MRPL33: variants seen among roughly 807,000 people sequenced by gnomAD.
MRPL33 encodes the protein mitochondrial ribosomal protein L33.
Under a neutral mutation model 10.1 loss-of-function variants are expected in MRPL33, and 5 were observed. The ratio of observed to expected loss-of-function variants is 0.49; its 90% confidence interval spans 0.26 to 1.04. The LOEUF is 1.04. Ranked by LOEUF, MRPL33 falls within the 50% of genes least tolerant of loss-of-function variation. The pLI, the probability that MRPL33 is intolerant of heterozygous loss-of-function variation, is 0.14. For missense variants in MRPL33, 79 were observed against 78.1 expected, an observed-to-expected ratio of 1.01 and a Z score of -0.04; for synonymous variants, 24 against 27.7, an observed-to-expected ratio of 0.87 and a Z score of 0.42.
At position 27,779,598 on chromosome 2, in the gene MRPL33, C is replaced by T; in HGVS notation, c.*116C>T. The T allele has an allele frequency of 1.3e-6, 2 of 1,570,788 alleles. No homozygotes were observed. Among genetic ancestry groups the T allele is most frequent in the African/African-American group, 1.4e-5 (1 of 72,934 alleles). On this transcript the variant is annotated 3_prime_UTR_variant, in exon 4 of 4. Coordinates refer to ENST00000296102, the MANE Select transcript of MRPL33 (RefSeq NM_004891.4). ...AGGAAATGGCATGGAATCACTGCCT[C>T]CTGTGATTTGAAGGCCATTGTGAAG...
intron 2 of MRPL33, among the ~76,000 whole-genome samples, chr2:27,773,897 C>T (rs944377855): frequency 3.3e-5 from 5 of 152,150 alleles, no homozygotes; most frequent in African/African-American, 9.7e-5. Flanking sequence ...TCTGGTGAGG[C>T]AAACATGGAC....
At position 27,779,429 on chromosome 2, in the gene MRPL33, A is replaced by T; in HGVS notation, c.149-4A>T. On this transcript the variant is annotated splice_polypyrimidine_tract_variant and splice_region_variant and intron_variant, in intron 3 of 3. Transcript: ENST00000296102. ...TGCCACAATTTTTTTTTCTCCCTCC[A>T]TAGTGAAACAAAGAGTCCTCTTCGT... The T allele has an allele frequency of 6.3e-7, 1 of 1,594,688 alleles. No individual in the cohort carries two copies. Among genetic ancestry groups the T allele is most frequent in the East Asian group, 2.2e-5 (1 of 44,748 alleles).
intron 3 of MRPL33, among the ~76,000 whole-genome samples, chr2:27,777,857 C>G (rs35463245): frequency 0.24 from 36,188 of 151,958 alleles, 5,053 homozygotes; most frequent in East Asian, 0.58. Context: ...CCCCTACCCC[C>G]CGCCTTTTTT....
chr2:27,772,738 G>C (rs754343358), intron 2 of MRPL33, 46 bp downstream of exon 2: 3 of 1,503,078 alleles, frequency 2.0e-6, no homozygotes, highest in Non-Finnish European at 2.7e-6. Context: ...GTTTATGTTG[G>C]ATTTGTTAGT....
intron 2 of MRPL33, chr2:27,772,899 G>A (rs1038576239): frequency 3.8e-6 from 2 of 526,670 alleles, no homozygotes; most frequent in East Asian, 3.3e-5. Flanking sequence ...ACTTCTGTGA[G>A]CATTGAAATA....
chr2:27,775,764 T>C (rs1677138957), intron 3 of MRPL33, among the ~76,000 whole-genome samples: 1 of 152,214 alleles, frequency 6.6e-6, no homozygotes, highest in South Asian at 2.1e-4. Flanking sequence ...TTAACAGAAA[T>C]AAAATTCCTT....
chr2:27,779,643 A>T lies in MRPL33; in HGVS notation c.*161A>T, dbSNP rs1467238219. 6 of 1,418,140 alleles carry T rather than the reference A, an allele frequency of 4.2e-6. No individual in the cohort carries two copies. The highest frequency in any genetic ancestry group is 2.3e-5 in the East Asian group (1 of 42,692). The allele number at this position is 1,418,140 out of a possible 1,614,324, so 87.8% of individuals were successfully genotyped here. A position where few individuals can be genotyped will look rare whatever the true frequency, so the allele number is the denominator to read the frequency against. On this transcript the variant is annotated 3_prime_UTR_variant, in exon 4 of 4. Transcript: ENST00000296102. The stretch of plus-strand genomic sequence containing the variant: ...GTGAAGGAAAACAATGCAGTGAAAG[A>T]AAGTTCTTCATATTAGGACAGATAT...
rs72853228 is a variant in MRPL33 at position 27,774,976 on chromosome 2, G to A, written c.148+446G>A. 5.6e-3 allele frequency among the ~76,000 whole-genome samples: 849 copies of A among 152,234 alleles called. 9 individuals carry two copies. The highest frequency in any genetic ancestry group is 0.019 in the African/African-American group (802 of 41,538). On this transcript the variant is annotated intron_variant, in intron 3 of 3. Coordinates refer to ENST00000296102, the MANE Select transcript of MRPL33 (RefSeq NM_004891.4). ...CAGACAAGTGTCTTAAGAAGGGGAC[G>A]GTATGGTGTCCTGGCATCATCTGTT...
At chr2:27,772,931 T>C in intron 2 of MRPL33, 1 of 481,536 alleles carries the variant, frequency 2.1e-6, no homozygotes. Flanking sequence ...CTTTGCTGCT[T>C]TTCTAGTCCC....
chr2:27,771,770 T>C lies in MRPL33; in HGVS notation c.-8T>C, dbSNP rs1461577798. 2 of 1,614,024 alleles carry C rather than the reference T, an allele frequency of 1.2e-6. No homozygotes were observed. Among genetic ancestry groups the C allele is most frequent in the Non-Finnish European group, 1.7e-6 (2 of 1,179,940 alleles). On this transcript the variant is annotated 5_prime_UTR_variant, in exon 1 of 4. Coordinates refer to ENST00000296102, the MANE Select transcript of MRPL33 (RefSeq NM_004891.4). ...GCCGGTGACGGAGACTGCCCAGGTG[T>C]GGTCACCATGTTCCTCTCCGCGGTC... is the stretch of plus-strand genomic sequence containing the variant.
At chr2:27,777,371 C>CTTTTT (rs11337446) in intron 3 of MRPL33, among the ~76,000 whole-genome samples, 2 of 125,610 alleles carry the variant, frequency 1.6e-5, no homozygotes, top group Non-Finnish European at 3.3e-5. Context: ...TAATCTAAAA[C>CTTTTT]TTTTTTTTTT....
intron 1 of MRPL33, 175 bp downstream of exon 1, chr2:27,771,974 T>G (rs1039178098): frequency 4.5e-6 from 3 of 668,776 alleles, no homozygotes; most frequent in Non-Finnish European, 7.5e-6. Flanking sequence ...CGCGCCTCCC[T>G]GCGCGGACCT....
chr2:27,778,701 T>C (rs1677220403), intron 3 of MRPL33, among the ~76,000 whole-genome samples: 1 of 152,182 alleles, frequency 6.6e-6, no homozygotes, highest in Admixed American at 6.5e-5. Flanking sequence ...ATTACAGGCA[T>C]GCACCACCAT....
At chr2:27,777,265 T>C (rs565828441) in intron 3 of MRPL33, among the ~76,000 whole-genome samples, 1 of 152,106 alleles carries the variant, frequency 6.6e-6, no homozygotes, top group Admixed American at 6.5e-5. Context: ...TGGCCTCTAC[T>C]AATCCTCCTA....
intron 3 of MRPL33, 100 bp downstream of exon 3, chr2:27,774,630 C>A: frequency 1.2e-6 from 1 of 849,650 alleles, no homozygotes; most frequent in Non-Finnish European, 2.0e-6. Context: ...CTGACACTAG[C>A]ATTCATTTAG....
In MRPL33 at chr2:27,774,414, T is replaced by C. The variant is rs1439549818; in HGVS notation, c.42-10T>C. On this transcript the variant is annotated splice_polypyrimidine_tract_variant and intron_variant, in intron 2 of 3. Coordinates refer to ENST00000296102, the MANE Select transcript of MRPL33 (RefSeq NM_004891.4). ...CAGCTCGTACATAACAGCGTACTTT[T>C]TAATCTTAGAAACATTCTGGTGAGA... The C allele has an allele frequency of 6.2e-7, 1 of 1,612,420 alleles. No homozygotes were observed.
At chr2:27,777,392 T>A (rs1026593016) in intron 3 of MRPL33, among the ~76,000 whole-genome samples, 16 of 117,602 alleles carry the variant, frequency 1.4e-4, no homozygotes, top group Admixed American at 2.5e-4. Flanking sequence ...TTTTTTTTTT[T>A]AATCAAGACC....
In MRPL33 at chr2:27,772,561, T is replaced by C. The variant is rs543854117; in HGVS notation, c.23-113T>C. On this transcript the variant is annotated intron_variant, in intron 1 of 3. Transcript: ENST00000296102. ...ACTTGAGTGACACCTCATGGCATAT[T>C]TCATAAGTTAAATATTTTTGGTTAT... The C allele has an allele frequency of 1.5e-4, 120 of 811,518 alleles. 1 individual carries two copies. Among genetic ancestry groups the C allele is most frequent in the Middle Eastern group, 1.4e-3 (4 of 2,814 alleles). The allele number at this position is 811,518 out of a possible 1,614,324, so 50.3% of individuals were successfully genotyped here. A position where few individuals can be genotyped will look rare whatever the true frequency, so the allele number is the denominator to read the frequency against.
intron 3 of MRPL33, among the ~76,000 whole-genome samples, chr2:27,776,142 A>G (rs1329770328): frequency 1.3e-5 from 2 of 152,274 alleles, no homozygotes; most frequent in Non-Finnish European, 2.9e-5. Context: ...AGTTCTGATC[A>G]TAGTTCAAAG....
Sources: gnomAD v4.1 joint callset for allele counts (sites outside exome capture counted in the v4.1 genomes callset) on GRCh38, gnomAD v4.1.1 for gene constraint, MANE v1.5 for transcripts, NCBI Gene and HGNC (gene_info 2026-07-23, HGNC 2026-07-21) for gene names.